SYTL2: variants seen among roughly 807,000 people sequenced by gnomAD.
SYTL2 encodes the protein synaptotagmin-like protein 2.
In SYTL2, 165 loss-of-function variants were observed where a neutral mutation model predicts 198.7. The ratio of observed to expected loss-of-function variants is 0.83; its 90% confidence interval spans 0.73 to 0.94. The LOEUF is 0.94. Ranked by LOEUF, SYTL2 falls within the 40% of genes least tolerant of loss-of-function variation. The pLI, the probability that SYTL2 is intolerant of heterozygous loss-of-function variation, is 0.00. For synonymous variants in SYTL2, 966 were observed against 917.7 expected, an observed-to-expected ratio of 1.05 and a Z score of -0.95; for missense variants, 2,835 against 2,582.8, an observed-to-expected ratio of 1.10 and a Z score of -2.12.
At chr11:85,834,135 AAAAAT>A in the SYTL2 span, among the ~76,000 whole-genome samples, 1 of 152,186 alleles carries the variant, frequency 6.6e-6, no homozygotes, top group African/African-American at 2.4e-5. Context: ...AGTTCACAGA[AAAAAT>A]AAAATATAGA....
chr11:85,704,715 T>C (rs2084852105), intron 16 of SYTL2, 143 bp downstream of exon 16: 5 of 586,012 alleles, frequency 8.5e-6, no homozygotes, highest in Non-Finnish European at 8.6e-6. Flanking sequence ...AATAACCTTT[T>C]TTACCTTTCT....
intron 11 of SYTL2, 188 bp from the exon 12 acceptor site, chr11:85,714,695 G>C (rs2086877799): frequency 1.5e-6 from 2 of 1,304,668 alleles, no homozygotes; most frequent in Non-Finnish European, 2.0e-6. Flanking sequence ...ATTATATAGA[G>C]AGAGAACTAG....
At chr11:85,708,254 C>T (rs1407845072) in intron 14 of SYTL2, 4 of 285,396 alleles carry the variant, frequency 1.4e-5, no homozygotes, top group Non-Finnish European at 2.8e-5. Flanking sequence ...TTGGTGCTTG[C>T]AGTATTTTTA....
upstream of SYTL2, among the ~76,000 whole-genome samples, chr11:85,815,622 C>T (rs554621281): frequency 2.7e-4 from 41 of 152,232 alleles, no homozygotes; most frequent in East Asian, 7.1e-3. Flanking sequence ...ATGTAGGAAG[C>T]GCAGCTATTA....
At chr11:85,697,926 C>T (rs947109144) in intron 18 of SYTL2, 53 bp downstream of exon 18, 8 of 1,204,596 alleles carry the variant, frequency 6.6e-6, no homozygotes, top group Admixed American at 1.8e-5. Flanking sequence ...CGAAACTAAC[C>T]AGCAAAGACC....
intron 1 of SYTL2, among the ~76,000 whole-genome samples, chr11:85,773,152 C>G (rs2092388678): frequency 6.6e-6 from 1 of 152,174 alleles, no homozygotes; most frequent in South Asian, 2.1e-4. Flanking sequence ...GTTTCCACAT[C>G]TGCAAAAACA....
the SYTL2 span, among the ~76,000 whole-genome samples, chr11:85,837,251 C>T: frequency 6.6e-6 from 1 of 152,160 alleles, no homozygotes; most frequent in African/African-American, 2.4e-5. Context: ...AGGGCCTTCA[C>T]GGAGGCAATT....
Position 85,724,205 on chromosome 11 carries a change from G to C in SYTL2, c.5153C>G (p.Pro1718Arg). 5.6e-6 allele frequency: 9 copies of C among 1,594,744 alleles called. No individual in the cohort carries two copies. Among genetic ancestry groups the C allele is most frequent in the South Asian group, 3.5e-5 (3 of 86,880 alleles). ...TTCTTTGTTCATCAGGAGAGGAATGGGTTGCCTATTTCTGGACACACTAAT... is the reference window on the plus strand; with the variant it reads ...TTCTTTGTTCATCAGGAGAGGAATGCGTTGCCTATTTCTGGACACACTAAT... ...EAISVSRNRQPIPLLMNKENS... is the reference protein window; with the variant it reads ...EAISVSRNRQRIPLLMNKENS... The change falls in exon 8 of 20, where the codon CCC (proline) becomes CGC (arginine). Residue 1718 changes from proline to arginine, a missense_variant. This residue lies in a region of SYTL2 where 2,645 missense variants were observed against 2,381.7 expected (regional missense o/e 1.11). Coordinates refer to ENST00000359152, the MANE Select transcript of SYTL2 (RefSeq NM_206927.4).
At position 85,734,512 on chromosome 11, in the gene SYTL2, T is replaced by TCCCTCTCGGAGC. The variant is rs2090145888; in HGVS notation, c.805_816dup (p.Ala269_Gly272dup). ...CTGGAACTGGAGTTGCGCTTGAGGA[T>TCCCTCTCGGAGC]CCCTCTCGGAGCCCCTCTCGCTTTC... is the stretch of plus-strand genomic sequence containing the variant. On this transcript the variant is annotated inframe_insertion, in exon 7 of 20. Transcript: ENST00000359152. 2 of 1,614,190 alleles carry TCCCTCTCGGAGC rather than the reference T, an allele frequency of 1.2e-6. No individual in the cohort carries two copies. The highest frequency in any genetic ancestry group is 1.7e-6 in the Non-Finnish European group (2 of 1,180,022).
At chr11:85,849,034 G>C in the SYTL2 span, among the ~76,000 whole-genome samples, 1 of 152,194 alleles carries the variant, frequency 6.6e-6, no homozygotes, top group East Asian at 1.9e-4. Context: ...CTTATAAACA[G>C]TGAGACACCA....
intron 1 of SYTL2, among the ~76,000 whole-genome samples, chr11:85,787,320 C>T (rs1592029082): frequency 6.6e-6 from 1 of 152,320 alleles, no homozygotes; most frequent in East Asian, 1.9e-4. Context: ...ACTAGATGAT[C>T]ACTAAATGTT....
In SYTL2 at chr11:85,724,076, T is replaced by G; in HGVS notation, c.5282A>C (p.Asp1761Ala). 2 of 1,556,376 alleles carry G rather than the reference T, an allele frequency of 1.3e-6. No homozygotes were observed. The highest frequency in any genetic ancestry group is 1.7e-6 in the Non-Finnish European group (2 of 1,160,752). ...KEGFSESDFS[D>A]GNTSSNAESW... The stretch of plus-strand genomic sequence containing the variant: ...CTCTGCATTAGAACTGGTGTTTCCA[T>G]CTGAAAAATCAGACTCAGAGAAACC... The change falls in exon 8 of 20, where the codon GAT (aspartate) becomes GCT (alanine). Residue 1761 changes from aspartate (D) to alanine (A), a missense_variant. Physicochemically the swap from Asp to Ala is moderately radical, Grantham distance 126. Around this residue, in one of 3 missense-constraint regions of SYTL2, gnomAD observed 2,645 missense variants for 2,381.7 expected, o/e 1.11. Coordinates refer to ENST00000359152, the MANE Select transcript of SYTL2 (RefSeq NM_206927.4).
At chr11:85,832,626 C>T in the SYTL2 span, among the ~76,000 whole-genome samples, 4 of 151,930 alleles carry the variant, frequency 2.6e-5, no homozygotes, top group Non-Finnish European at 5.9e-5. Context: ...CTTAGTTTCA[C>T]GATAGGCAGT....
At chr11:85,753,879 A>T (rs12099248) in intron 2 of SYTL2, among the ~76,000 whole-genome samples, 8,677 of 152,138 alleles carry the variant, frequency 0.057, 786 homozygotes, top group African/African-American at 0.19. Flanking sequence ...CATATTAGGA[A>T]TGGCAACATT....
chr11:85,745,159 A>G (rs182781883), intron 4 of SYTL2, among the ~76,000 whole-genome samples: 1 of 152,192 alleles, frequency 6.6e-6, no homozygotes, highest in Non-Finnish European at 1.5e-5. Context: ...GAAAGGTTAA[A>G]TGTCTTGCCC....
chr11:85,779,637 G>T (rs1304200791), intron 1 of SYTL2, among the ~76,000 whole-genome samples: 1 of 148,202 alleles, frequency 6.7e-6, no homozygotes, highest in African/African-American at 2.5e-5. Flanking sequence ...CTCATCAAGT[G>T]TTTTTTTTTT....
At chr11:85,740,668 C>G (rs1041223907) in intron 4 of SYTL2, among the ~76,000 whole-genome samples, 2 of 152,150 alleles carry the variant, frequency 1.3e-5, no homozygotes, top group Non-Finnish European at 2.9e-5. Context: ...ATGAAGCAAG[C>G]CAAATTCCAT....
chr11:85,719,731 G>A (rs192514812), intron 9 of SYTL2, among the ~76,000 whole-genome samples: 22 of 152,168 alleles, frequency 1.4e-4, no homozygotes, highest in African/African-American at 3.6e-4. Flanking sequence ...AAGATCCTTG[G>A]GATAGTCAGG....
At position 85,727,822 on chromosome 11, in the gene SYTL2, CTTT is replaced by C. The variant is rs2089382171; in HGVS notation, c.1533_1535del (p.Ile511_Lys512delinsMet). ...TAAATATGGAATCATCAGTTGACTT[CTTT>C]ATCTCAGTGGCATATGGACCAGAAC... On this transcript the variant is annotated inframe_deletion, in exon 8 of 20. Coordinates refer to ENST00000359152, the MANE Select transcript of SYTL2 (RefSeq NM_206927.4). 6.2e-7 allele frequency: 1 copy of C among 1,609,780 alleles called. No homozygotes were observed. The highest frequency in any genetic ancestry group is 1.7e-5 in the Admixed American group (1 of 59,384).
Sources: allele counts gnomAD v4.1 joint callset (sites outside exome capture counted in the v4.1 genomes callset), GRCh38; gene constraint gnomAD v4.1.1; regional missense constraint gnomAD v4.1.1; transcripts MANE v1.5; gene names NCBI Gene and HGNC (gene_info 2026-07-23, HGNC 2026-07-21).